PDE4D: variants seen among roughly 807,000 people sequenced by gnomAD.
The protein encoded by PDE4D is 3',5'-cyclic-AMP phosphodiesterase 4D.
A neutral mutation model predicts 87.4 loss-of-function variants in PDE4D; 24 were observed. The observed-to-expected ratio is 0.27, with a 90% CI of 0.20 to 0.39. The LOEUF (loss-of-function observed/expected upper bound fraction) is 0.39, where lower values mean the gene tolerates loss of function less well. Ranked by LOEUF, PDE4D falls within the 10% of genes least tolerant of loss-of-function variation. The probability of loss-of-function intolerance (pLI) is 1.00; values close to 1 mark genes in which losing one functional copy is unlikely to be tolerated. For missense variants in PDE4D, 714 were observed against 1,041.0 expected (o/e 0.69, Z 4.32); for synonymous variants, 384 against 383.2 (o/e 1.00, Z -0.02).
At chr5:59,287,718 C>CACAGAG (rs1554121974) in intron 1 of PDE4D, among the ~76,000 whole-genome samples, 37 of 149,658 alleles carry the variant, frequency 2.5e-4, no homozygotes, top group East Asian at 1.4e-3. Context: ...GAGACACACA[C>CACAGAG]AGAGAGAGAG....
intron 1 of PDE4D, among the ~76,000 whole-genome samples, chr5:60,330,016 C>T (rs957665081): frequency 1.3e-5 from 2 of 150,854 alleles, no homozygotes; most frequent in African/African-American, 4.9e-5. Context: ...AAGAGAATCA[C>T]AGTAACAAAT....
intron 1 of PDE4D, among the ~76,000 whole-genome samples, chr5:60,299,064 G>A (rs55690337): frequency 0.14 from 21,008 of 151,944 alleles, 1,606 homozygotes; most frequent in South Asian, 0.32. Context: ...AAGTGGAGTC[G>A]GAAATTTAAA....
intron 1 of PDE4D, among the ~76,000 whole-genome samples, chr5:60,308,695 T>C (rs1041229638): frequency 4.6e-5 from 7 of 152,162 alleles, no homozygotes; most frequent in Non-Finnish European, 8.8e-5. Context: ...ATAATTACAG[T>C]ATTATGGGAA....
At chr5:59,229,309 T>G (rs1292340125) in intron 1 of PDE4D, among the ~76,000 whole-genome samples, 1 of 152,230 alleles carries the variant, frequency 6.6e-6, no homozygotes, top group Admixed American at 6.5e-5. Context: ...TGGTTATCTG[T>G]GTAGTTCTAC....
intron 1 of PDE4D, among the ~76,000 whole-genome samples, chr5:60,223,845 T>C (rs1353698010): frequency 6.6e-6 from 1 of 152,174 alleles, no homozygotes; most frequent in African/African-American, 2.4e-5. Context: ...CATTTTTTCC[T>C]ACTGGCAAAT....
chr5:60,515,843 T>C (rs967993226), intron 1 of PDE4D, among the ~76,000 whole-genome samples: 3 of 152,172 alleles, frequency 2.0e-5, no homozygotes, highest in Non-Finnish European at 2.9e-5. Context: ...TGAAAGTACA[T>C]TGTGTGCAAT....
At chr5:59,330,812 G>A (rs377653918) in intron 1 of PDE4D, among the ~76,000 whole-genome samples, 2 of 152,218 alleles carry the variant, frequency 1.3e-5, no homozygotes, top group Admixed American at 6.5e-5. Context: ...TGGTTGTCTC[G>A]CTGTGGCACT....
chr5:59,177,397 C>T (rs1784069685), intron 5 of PDE4D, among the ~76,000 whole-genome samples: 1 of 152,028 alleles, frequency 6.6e-6, no homozygotes, highest in South Asian at 2.1e-4. Context: ...TACAGTGGGC[C>T]CTAGAAACAA....
chr5:59,033,672 A>T (rs1757990867), intron 6 of PDE4D, among the ~76,000 whole-genome samples: 2 of 152,180 alleles, frequency 1.3e-5, no homozygotes, highest in Non-Finnish European at 2.9e-5. Flanking sequence ...CTCTAGAAAA[A>T]TACCAGTTTG....
intron 1 of PDE4D, among the ~76,000 whole-genome samples, chr5:59,520,365 T>C (rs1009727363): frequency 6.6e-6 from 1 of 152,194 alleles, no homozygotes; most frequent in Non-Finnish European, 1.5e-5. Flanking sequence ...GCCTTATTCA[T>C]CTGTAAACCT....
At chr5:60,334,972 G>C (rs1390099784) in intron 1 of PDE4D, 1 of 152,044 alleles carries the variant, frequency 6.6e-6, no homozygotes, top group Non-Finnish European at 1.5e-5. Flanking sequence ...TGACCTTCTA[G>C]TCCCAGTCTC....
chr5:59,999,063 C>T (rs1763787758), intron 2 of PDE4D, among the ~76,000 whole-genome samples: 1 of 152,074 alleles, frequency 6.6e-6, no homozygotes, highest in African/African-American at 2.4e-5. Flanking sequence ...AGTCTAGAAA[C>T]CAGTCAAGAA....
chr5:59,871,345 A>G (rs183030891), intron 1 of PDE4D, among the ~76,000 whole-genome samples: 271 of 152,234 alleles, frequency 1.8e-3, no homozygotes, highest in Non-Finnish European at 3.2e-3. Flanking sequence ...TGATATGGAA[A>G]AAGGAGCCAG....
intron 1 of PDE4D, among the ~76,000 whole-genome samples, chr5:60,188,577 A>C (rs1247122001): frequency 6.6e-6 from 1 of 152,118 alleles, no homozygotes; most frequent in Non-Finnish European, 1.5e-5. Context: ...AAGCCCCCCA[A>C]GGTAGGGCAG....
intron 2 of PDE4D, among the ~76,000 whole-genome samples, chr5:60,084,188 T>C (rs981000837): frequency 3.3e-5 from 5 of 152,232 alleles, no homozygotes; most frequent in African/African-American, 1.2e-4. Context: ...TTAATACAGC[T>C]GTAAGAGTAA....
At chr5:59,658,963 A>G (rs969131754) in intron 1 of PDE4D, among the ~76,000 whole-genome samples, 2 of 152,136 alleles carry the variant, frequency 1.3e-5, no homozygotes, top group African/African-American at 4.8e-5. Context: ...TGACTGCACC[A>G]CTGCACTCCA....
At chr5:60,127,758 T>C in intron 2 of PDE4D, 1 of 531,830 alleles carries the variant, frequency 1.9e-6, no homozygotes, top group Non-Finnish European at 3.3e-6. Flanking sequence ...TGGAAGATAT[T>C]GAAAAAGCGG....
intron 1 of PDE4D, among the ~76,000 whole-genome samples, chr5:59,316,124 C>T (rs533631307): frequency 3.9e-5 from 6 of 152,214 alleles, no homozygotes; most frequent in African/African-American, 1.4e-4. Flanking sequence ...ACTCACCTCC[C>T]GTAACATTTA....
intron 1 of PDE4D, among the ~76,000 whole-genome samples, chr5:59,235,245 G>A (rs973063179): frequency 6.6e-6 from 1 of 152,144 alleles, no homozygotes; most frequent in African/African-American, 2.4e-5. Context: ...TCCAAAAAGA[G>A]TTCCATCTGT....
Sources: gnomAD v4.1 joint callset for allele counts (sites outside exome capture counted in the v4.1 genomes callset) on GRCh38, gnomAD v4.1.1 for gene constraint, MANE v1.5 for transcripts, NCBI Gene and HGNC (gene_info 2026-07-23, HGNC 2026-07-21) for gene names.